Variants in HUNK observed in about 807,000 individuals in gnomAD.
The protein encoded by HUNK is hormonally up-regulated neu tumor-associated kinase.
Under a neutral mutation model 61.0 loss-of-function variants are expected in HUNK, and 21 were observed. The ratio of observed to expected loss-of-function variants is 0.34; its 90% CI spans 0.24 to 0.50. HUNK has a LOEUF of 0.50. Among genes scored for constraint, HUNK ranks in the 20% least tolerant of loss-of-function variants. The probability of loss-of-function intolerance (pLI) is 0.98; values close to 1 mark genes in which losing one functional copy is unlikely to be tolerated. For synonymous variants in HUNK, 371 were observed against 386.1 expected, an observed-to-expected ratio of 0.96 and a Z score of 0.46; for missense variants, 772 against 945.7, an observed-to-expected ratio of 0.82 and a Z score of 2.41.
At chr21:31,925,921 AAT>A (rs2052656244) in intron 2 of HUNK, among the ~76,000 whole-genome samples, 1 of 118,728 alleles carries the variant, frequency 8.4e-6, no homozygotes, top group African/African-American at 2.8e-5. Flanking sequence ...AACAACCAGA[AAT>A]ATTTTTTTTT....
chr21:31,985,681 A>G (rs2053127930), intron 8 of HUNK, among the ~76,000 whole-genome samples: 1 of 152,162 alleles, frequency 6.6e-6, no homozygotes. Flanking sequence ...GGAACAGAGG[A>G]AAGGTCACAT....
intron 1 of HUNK, among the ~76,000 whole-genome samples, chr21:31,891,917 T>A (rs1464578260): frequency 6.6e-6 from 1 of 152,088 alleles, no homozygotes; most frequent in Non-Finnish European, 1.5e-5. Flanking sequence ...ATCTTTGCAT[T>A]GGGTAGGGAT....
At chr21:31,899,629 T>C (rs1394175658) in intron 1 of HUNK, among the ~76,000 whole-genome samples, 1 of 152,236 alleles carries the variant, frequency 6.6e-6, no homozygotes, top group East Asian at 1.9e-4. Flanking sequence ...TAACCTATAA[T>C]GTGTTCTAAA....
chr21:31,892,621 T>C (rs2052399334), intron 1 of HUNK, among the ~76,000 whole-genome samples: 1 of 151,492 alleles, frequency 6.6e-6, no homozygotes, highest in African/African-American at 2.4e-5. Flanking sequence ...TGGTAGTTGG[T>C]TGTTCTCTTC....
intron 4 of HUNK, among the ~76,000 whole-genome samples, chr21:31,954,994 C>T (rs1180111335): frequency 4.6e-5 from 7 of 152,064 alleles, no homozygotes; most frequent in South Asian, 2.1e-4. Context: ...TGTTGCCCGC[C>T]CAGGCTGATC....
intron 8 of HUNK, among the ~76,000 whole-genome samples, chr21:31,989,405 C>T (rs1335191971): frequency 6.6e-6 from 1 of 152,110 alleles, no homozygotes; most frequent in Admixed American, 6.6e-5. Flanking sequence ...GCAATCTGTG[C>T]TATTAGAAAT....
intron 1 of HUNK, among the ~76,000 whole-genome samples, chr21:31,919,028 G>C (rs2052604817): frequency 8.5e-6 from 1 of 117,864 alleles, no homozygotes; most frequent in African/African-American, 3.5e-5. Flanking sequence ...GCTGGACTGA[G>C]CGGTATGAGG....
intron 2 of HUNK, among the ~76,000 whole-genome samples, chr21:31,935,248 T>C (rs2052725546): frequency 6.6e-6 from 1 of 152,222 alleles, no homozygotes; most frequent in Non-Finnish European, 1.5e-5. Flanking sequence ...TACAAAAATC[T>C]ATAGACAATG....
At chr21:31,892,503 G>T (rs1365018217) in intron 1 of HUNK, among the ~76,000 whole-genome samples, 4 of 150,350 alleles carry the variant, frequency 2.7e-5, no homozygotes, top group African/African-American at 9.8e-5. Flanking sequence ...CCAGGAGGCG[G>T]AGGTTGCAGT....
intron 4 of HUNK, among the ~76,000 whole-genome samples, chr21:31,957,242 G>A (rs1188815374): frequency 1.3e-5 from 2 of 152,196 alleles, no homozygotes; most frequent in African/African-American, 2.4e-5. Flanking sequence ...AAGAGGGCAG[G>A]TCTTTCTCTG....
chr21:31,897,533 A>G lies in HUNK; in HGVS notation c.261+23598A>G, dbSNP rs1051196221. On this transcript the variant is annotated intron_variant, in intron 1 of 10. Transcript: ENST00000270112. ...TTTAATAAAGACACAATCATGTTGGATTAGGGCCCACCATAATGACCTCAT... is the reference window on the plus strand; with the variant it reads ...TTTAATAAAGACACAATCATGTTGGGTTAGGGCCCACCATAATGACCTCAT... 2.0e-5 allele frequency among the ~76,000 whole-genome samples: 3 copies of G among 152,188 alleles called. No individual in the cohort carries two copies. The South Asian group carries it at 6.2e-4, about 32-fold the overall frequency.
chr21:31,926,654 T>C (rs1031050427), intron 2 of HUNK, among the ~76,000 whole-genome samples: 8 of 152,208 alleles, frequency 5.3e-5, no homozygotes, highest in Admixed American at 3.9e-4. Flanking sequence ...CAGGTTTGTC[T>C]AAGTTATAGC....
At chr21:31,903,313 CGAT>C (rs1252849744) in intron 1 of HUNK, among the ~76,000 whole-genome samples, 1 of 151,882 alleles carries the variant, frequency 6.6e-6, no homozygotes, top group South Asian at 2.1e-4. Flanking sequence ...CCTTTGAAGT[CGAT>C]GATATTCTGC....
At chr21:31,882,911 A>G (rs190347069) in intron 1 of HUNK, among the ~76,000 whole-genome samples, 494 of 152,178 alleles carry the variant, frequency 3.2e-3, no homozygotes, top group Non-Finnish European at 4.4e-3. Context: ...TGACTACTAC[A>G]GAATTGCCTC....
intron 3 of HUNK, among the ~76,000 whole-genome samples, chr21:31,942,164 C>G (rs1007966669): frequency 1.3e-5 from 2 of 152,208 alleles, no homozygotes; most frequent in African/African-American, 4.8e-5. Context: ...GAGCCAAGAT[C>G]GTGACACTGC....
intron 2 of HUNK, among the ~76,000 whole-genome samples, chr21:31,934,956 G>C (rs1038712245): frequency 6.6e-6 from 1 of 152,054 alleles, no homozygotes; most frequent in African/African-American, 2.4e-5. Flanking sequence ...TGTGAATAGC[G>C]CTGTAGTGTC....
Position 31,873,914 on chromosome 21 carries a change from G to T in HUNK, c.240G>T (p.Leu80=). The T allele has an allele frequency of 6.4e-7, 1 of 1,565,398 alleles. No individual in the cohort carries two copies. The highest frequency in any genetic ancestry group is 2.5e-5 in the East Asian group (1 of 40,642). ...EGSFAKVREG[L]HVLTGEKVAI... ...CCTTTGCCAAGGTGCGCGAGGGGCT[G>T]CACGTGCTGACCGGGGAGAAGGTGA... Residue 80 remains leucine, a synonymous_variant, in exon 1 of 11, where the codon CTG becomes CTT. Coordinates refer to ENST00000270112, the MANE Select transcript of HUNK (RefSeq NM_014586.2). The surrounding 1 kb of genome is among the most constrained non-coding windows in gnomAD (Gnocchi z 6.1).
At chr21:31,904,445 G>A (rs968854016) in intron 1 of HUNK, among the ~76,000 whole-genome samples, 1 of 152,172 alleles carries the variant, frequency 6.6e-6, no homozygotes, top group Non-Finnish European at 1.5e-5. Flanking sequence ...AAGTAGAGAT[G>A]TCTCCAAAGA....
chr21:31,904,060 C>A (rs2123801361), intron 1 of HUNK, among the ~76,000 whole-genome samples: 1 of 151,916 alleles, frequency 6.6e-6, no homozygotes, highest in Non-Finnish European at 1.5e-5. Context: ...AGTTTAAGTA[C>A]CTCTTCATGG....
Sources: allele counts gnomAD v4.1 joint callset (sites outside exome capture counted in the v4.1 genomes callset), GRCh38; gene constraint gnomAD v4.1.1; non-coding constraint Gnocchi (gnomAD v3.1); transcripts MANE v1.5; gene names NCBI Gene and HGNC (gene_info 2026-07-23, HGNC 2026-07-21).